MAGI2: variants seen among roughly 807,000 people sequenced by gnomAD.
MAGI2 encodes the protein membrane-associated guanylate kinase, WW and PDZ domain-containing protein 2.
In MAGI2, 35 loss-of-function variants were observed where a neutral mutation model predicts 133.3. The observed-to-expected ratio is 0.26, with a 90% CI of 0.20 to 0.35. MAGI2 has a LOEUF of 0.35. Among genes scored for constraint, MAGI2 ranks in the 10% least tolerant of loss-of-function variants. MAGI2 has a pLI of 1.00. For missense variants in MAGI2, 1,636 were observed against 1,863.4 expected, an observed-to-expected ratio of 0.88 and a Z score of 2.25; for synonymous variants, 729 against 710.6, an observed-to-expected ratio of 1.03 and a Z score of -0.41.
chr7:78,422,344 T>A (rs1798876930), intron 6 of MAGI2, among the ~76,000 whole-genome samples: 1 of 152,208 alleles, frequency 6.6e-6, no homozygotes, highest in South Asian at 2.1e-4. Context: ...CTTAAAATTG[T>A]AATGTTAATA....
intron 1 of MAGI2, among the ~76,000 whole-genome samples, chr7:79,408,167 TGTTAGA>T (rs1845932338): frequency 6.6e-6 from 1 of 152,122 alleles, no homozygotes; most frequent in Non-Finnish European, 1.5e-5. Flanking sequence ...TTTTGTGTAC[TGTTAGA>T]ATTAAGACAA....
intron 2 of MAGI2, among the ~76,000 whole-genome samples, chr7:78,790,483 G>A (rs1309224138): frequency 6.6e-6 from 1 of 152,076 alleles, no homozygotes; most frequent in Non-Finnish European, 1.5e-5. Context: ...GCCCAGGCTG[G>A]AGTGCAGTGT....
intron 14 of MAGI2, among the ~76,000 whole-genome samples, chr7:78,169,037 C>T (rs1825873083): frequency 6.6e-6 from 1 of 152,142 alleles, no homozygotes; most frequent in Non-Finnish European, 1.5e-5. Flanking sequence ...TGGGTGGCTA[C>T]TGTGCCAGGA....
intron 1 of MAGI2, among the ~76,000 whole-genome samples, chr7:79,189,653 A>T (rs1827481955): frequency 6.6e-6 from 1 of 151,746 alleles, no homozygotes; most frequent in Non-Finnish European, 1.5e-5. Context: ...CATAGTTTAC[A>T]TTAGGGTTCA....
chr7:78,061,780 A>G (rs1813298755), intron 21 of MAGI2, among the ~76,000 whole-genome samples: 1 of 152,090 alleles, frequency 6.6e-6, no homozygotes, highest in Non-Finnish European at 1.5e-5. Context: ...TGAAGACCCC[A>G]GAGGAGCAAT....
intron 1 of MAGI2, among the ~76,000 whole-genome samples, chr7:79,268,920 T>C (rs1238905023): frequency 3.3e-5 from 5 of 152,236 alleles, no homozygotes; most frequent in African/African-American, 1.2e-4. Flanking sequence ...CCAGAGAGTT[T>C]CAACCACACA....
chr7:78,152,708 T>TTA (rs1478994530), intron 16 of MAGI2, among the ~76,000 whole-genome samples: 7 of 152,332 alleles, frequency 4.6e-5, no homozygotes, highest in African/African-American at 1.7e-4. Flanking sequence ...CTTCAATTAG[T>TTA]TATATTAGAA....
intron 1 of MAGI2, among the ~76,000 whole-genome samples, chr7:79,039,789 A>T (rs2116890893): frequency 6.7e-6 from 1 of 148,904 alleles, no homozygotes; most frequent in African/African-American, 2.4e-5. Context: ...CGAGACATAT[A>T]TATATACACA....
At chr7:79,284,617 A>T (rs573445954) in intron 1 of MAGI2, among the ~76,000 whole-genome samples, 2 of 152,218 alleles carry the variant, frequency 1.3e-5, no homozygotes, top group Admixed American at 1.3e-4. Flanking sequence ...AATAGTTAAA[A>T]TTATTCGATT....
At chr7:79,095,275 C>T (rs1185804081) in intron 1 of MAGI2, among the ~76,000 whole-genome samples, 1 of 152,204 alleles carries the variant, frequency 6.6e-6, no homozygotes, top group East Asian at 1.9e-4. Flanking sequence ...AGTGCGGTGG[C>T]TTGTTTGACA....
chr7:79,180,348 G>A (rs994963890), intron 1 of MAGI2, among the ~76,000 whole-genome samples: 8 of 151,978 alleles, frequency 5.3e-5, no homozygotes, highest in African/African-American at 1.5e-4. Flanking sequence ...AGATTTATTG[G>A]ACTTAAAGTT....
intron 2 of MAGI2, among the ~76,000 whole-genome samples, chr7:78,674,600 T>G (rs1814787286): frequency 6.6e-6 from 1 of 152,192 alleles, no homozygotes; most frequent in Admixed American, 6.5e-5. Flanking sequence ...AATAAGAAAT[T>G]CTTTTGTTTC....
At chr7:78,521,901 A>G (rs886793528) in intron 3 of MAGI2, among the ~76,000 whole-genome samples, 1 of 152,196 alleles carries the variant, frequency 6.6e-6, no homozygotes, top group Non-Finnish European at 1.5e-5. Flanking sequence ...GTGCCAAACC[A>G]AAATATAGTC....
chr7:79,305,480 T>C (rs1837716202), intron 1 of MAGI2, among the ~76,000 whole-genome samples: 1 of 152,214 alleles, frequency 6.6e-6, no homozygotes, highest in African/African-American at 2.4e-5. Flanking sequence ...TCTTTCACAA[T>C]GTTTATCTAT....
intron 2 of MAGI2, among the ~76,000 whole-genome samples, chr7:78,692,905 C>T (rs576132212): frequency 5.9e-5 from 9 of 152,040 alleles, no homozygotes; most frequent in Non-Finnish European, 1.2e-4. Context: ...TTTCTTTCAC[C>T]GAACTAAAGA....
At chr7:78,097,278 A>T (rs1431819581) in intron 20 of MAGI2, among the ~76,000 whole-genome samples, 2 of 152,232 alleles carry the variant, frequency 1.3e-5, no homozygotes, top group Non-Finnish European at 2.9e-5. Context: ...AACTAAAAAC[A>T]GAACTACCAT....
intron 10 of MAGI2, among the ~76,000 whole-genome samples, chr7:78,228,698 A>G (rs569071985): frequency 1.3e-5 from 2 of 152,244 alleles, no homozygotes; most frequent in Non-Finnish European, 2.9e-5. Context: ...TTATTTAACT[A>G]AAAGTCAGTA....
intron 1 of MAGI2, among the ~76,000 whole-genome samples, chr7:79,013,908 A>T (rs1244038740): frequency 1.8e-4 from 28 of 152,126 alleles, no homozygotes; most frequent in Admixed American, 1.8e-3. Flanking sequence ...ATAGCTGAAA[A>T]TTTTTACTTA....
At chr7:79,379,878 G>A (rs181105725) in intron 1 of MAGI2, among the ~76,000 whole-genome samples, 2 of 136,188 alleles carry the variant, frequency 1.5e-5, no homozygotes, top group East Asian at 4.3e-4. Flanking sequence ...TTTTTTTCTT[G>A]TAAATTTGTT....
Sources: gnomAD v4.1 joint callset for allele counts (sites outside exome capture counted in the v4.1 genomes callset) on GRCh38, gnomAD v4.1.1 for gene constraint, MANE v1.5 for transcripts, NCBI Gene and HGNC (gene_info 2026-07-23, HGNC 2026-07-21) for gene names.